The following MARK4 variants were observed in gnomAD, a reference collection of about 807,000 sequenced individuals.
The protein encoded by MARK4 is microtubule affinity regulating kinase 4, also known as MAP/microtubule affinity-regulating kinase 4.
MARK4 carries 19 observed loss-of-function variants against 81.5 expected under a neutral mutation model. That is an observed-to-expected ratio of 0.23 (90% CI 0.16 to 0.34). The LOEUF (loss-of-function observed/expected upper bound fraction) is 0.34. Among genes scored for constraint, MARK4 ranks in the 10% least tolerant of loss-of-function variants. MARK4 has a pLI of 1.00. For synonymous variants in MARK4, 436 were observed against 439.0 expected, an observed-to-expected ratio of 0.99 and a Z score of 0.08; for missense variants, 772 against 1,058.8, an observed-to-expected ratio of 0.73 and a Z score of 3.76.
At chr19:45,266,680 CCCCAGAGTCACTCTGCCCACAGGGT>C (rs1970458064) in intron 7 of MARK4, among the ~76,000 whole-genome samples, 1 of 151,914 alleles carries the variant, frequency 6.6e-6, no homozygotes, top group African/African-American at 2.4e-5. Flanking sequence ...GGTTGCAGAG[CCCCAGAGTCACTCTGCCCACAGGGT>C]CCCAGAGTCA....
intron 7 of MARK4, among the ~76,000 whole-genome samples, chr19:45,268,417 C>T (rs1211473212): frequency 6.6e-6 from 1 of 151,998 alleles, no homozygotes; most frequent in Non-Finnish European, 1.5e-5. Context: ...AACTCCATCT[C>T]TACTAAAAAT....
intron 2 of MARK4, among the ~76,000 whole-genome samples, chr19:45,262,560 AG>A: frequency 6.6e-6 from 1 of 152,198 alleles, no homozygotes; most frequent in Non-Finnish European, 1.5e-5. Context: ...GCCCTCACAA[AG>A]GGATCCCCTC....
chr19:45,271,744 C>T lies in MARK4; in HGVS notation c.786+36C>T. ...GGGCTGGGTGCAGGGGCATCAGCCC[C>T]TCCCCACAGTCAGGCCCCTATCCCC... On this transcript the variant is annotated intron_variant, in intron 8 of 16. Transcript: ENST00000262891. The surrounding 1 kb of genome is among the most constrained non-coding windows in gnomAD (Gnocchi z 4.1). 1 of 1,592,012 alleles carries T rather than the reference C, an allele frequency of 6.3e-7. No individual in the cohort carries two copies. Among genetic ancestry groups the T allele is most frequent in the Non-Finnish European group, 8.6e-7 (1 of 1,164,506 alleles).
At chr19:45,286,409 T>C (rs979926928) in intron 12 of MARK4, among the ~76,000 whole-genome samples, 4 of 148,656 alleles carry the variant, frequency 2.7e-5, no homozygotes, top group East Asian at 2.0e-4. Flanking sequence ...TAAACAAACA[T>C]GTAAAGAGAT....
At chr19:45,264,281 G>C (rs12985190) in intron 4 of MARK4, among the ~76,000 whole-genome samples, 38,199 of 151,738 alleles carry the variant, frequency 0.25, 5,039 homozygotes, top group Non-Finnish European at 0.28. Flanking sequence ...GCGGGTGGAT[G>C]ACCTGAGGTT....
intron 12 of MARK4, 24 bp downstream of exon 12, chr19:45,280,758 A>G: frequency 6.2e-7 from 1 of 1,611,898 alleles, no homozygotes; most frequent in Non-Finnish European, 8.5e-7. Flanking sequence ...CCACGCCCTC[A>G]CGCACCCTCC....
At position 45,294,334 on chromosome 19, in the gene MARK4, C is replaced by T. The variant is rs1245353737; in HGVS notation, c.1495-15C>T. 1 of 1,612,782 alleles carries T rather than the reference C, an allele frequency of 6.2e-7. No individual in the cohort carries two copies. The highest frequency in any genetic ancestry group is 2.2e-5 in the East Asian group (1 of 44,860). On this transcript the variant is annotated splice_polypyrimidine_tract_variant and intron_variant, in intron 13 of 16. Transcript: ENST00000262891. ...CTTCACCCCCTCACTCCCTTCCTGG[C>T]TGTGTCTCCTGCAGAACAACCTCCC...
intron 4 of MARK4, 77 bp downstream of exon 4, chr19:45,263,444 A>G: frequency 1.3e-6 from 2 of 1,591,590 alleles, no homozygotes; most frequent in Admixed American, 3.3e-5. Context: ...GGCAGTGGTT[A>G]GAATAGTTGG....
chr19:45,283,917 T>TAGGGA (rs1970709661), intron 12 of MARK4, among the ~76,000 whole-genome samples: 2 of 152,218 alleles, frequency 1.3e-5, no homozygotes, highest in African/African-American at 2.4e-5. Flanking sequence ...AAGTTCTTAC[T>TAGGGA]CTGGGACAGG....
At chr19:45,276,021 C>T (rs974937479) in intron 8 of MARK4, among the ~76,000 whole-genome samples, 2 of 151,958 alleles carry the variant, frequency 1.3e-5, no homozygotes, top group East Asian at 1.9e-4. Flanking sequence ...TGCCTCCCTT[C>T]GTTTTTTTTG....
At chr19:45,277,632 C>G (rs537616396) in intron 8 of MARK4, among the ~76,000 whole-genome samples, 37 of 151,972 alleles carry the variant, frequency 2.4e-4, no homozygotes, top group African/African-American at 8.2e-4. Context: ...CTCCTGGGCT[C>G]AAGCGATCCT....
intron 6 of MARK4, 60 bp from the exon 7 acceptor site, chr19:45,266,165 A>G: frequency 1.9e-6 from 3 of 1,568,240 alleles, no homozygotes; most frequent in African/African-American, 2.7e-5. Context: ...TTCACAGTCC[A>G]CTGAGGGAGG....
chr19:45,272,660 G>C (rs1970544891), intron 8 of MARK4, among the ~76,000 whole-genome samples: 1 of 152,150 alleles, frequency 6.6e-6, no homozygotes, highest in Non-Finnish European at 1.5e-5. Flanking sequence ...GGCCGAGGCA[G>C]GCAGATCACC....
At chr19:45,255,418 G>A (rs887954848) in intron 1 of MARK4, among the ~76,000 whole-genome samples, 3 of 151,874 alleles carry the variant, frequency 2.0e-5, no homozygotes, top group South Asian at 2.1e-4. Context: ...AAAATTAGAC[G>A]GTTGTGGTGG....
In MARK4 at chr19:45,294,330, C is replaced by G. The variant is rs571169933; in HGVS notation, c.1495-19C>G. 8 of 1,612,472 alleles carry G rather than the reference C, an allele frequency of 5.0e-6. No homozygotes were observed. The South Asian group carries it at 7.7e-5, about 16-fold the overall frequency. Reference sequence around the variant, plus strand: ...ATGTCTTCACCCCCTCACTCCCTTCCTGGCTGTGTCTCCTGCAGAACAACC... The same window carrying G: ...ATGTCTTCACCCCCTCACTCCCTTCGTGGCTGTGTCTCCTGCAGAACAACC... On this transcript the variant is annotated intron_variant, in intron 13 of 16. Transcript: ENST00000262891.
chr19:45,272,851 G>C (rs1267839522), intron 8 of MARK4, among the ~76,000 whole-genome samples: 1 of 152,130 alleles, frequency 6.6e-6, no homozygotes, highest in Non-Finnish European at 1.5e-5. Flanking sequence ...TTGTGCCACT[G>C]CACTCCAGCC....
chr19:45,287,010 A>G (rs2123088286), intron 12 of MARK4, among the ~76,000 whole-genome samples: 1 of 152,074 alleles, frequency 6.6e-6, no homozygotes, highest in East Asian at 1.9e-4. Flanking sequence ...TTATCTAGTC[A>G]TTCCTCTACT....
At position 45,283,533 on chromosome 19, in the gene MARK4, G is replaced by A. The variant is rs1038189344; in HGVS notation, c.1276+2799G>A. Among the ~76,000 whole-genome samples, 5 of 151,890 alleles carry A rather than the reference G, an allele frequency of 3.3e-5. No individual in the cohort carries two copies. The East Asian group carries it at 5.8e-4, about 18-fold the overall frequency. On this transcript the variant is annotated intron_variant, in intron 12 of 16. Transcript: ENST00000262891. ...ACATTTCAGGTAAATGGAATTACAC[G>A]ATGTGTGGCCTTCAGTGACTGGCTT...
intron 1 of MARK4, among the ~76,000 whole-genome samples, chr19:45,252,982 A>G (rs1970263410): frequency 6.7e-6 from 1 of 149,792 alleles, no homozygotes; most frequent in Admixed American, 6.6e-5. Flanking sequence ...ACTTTCCACC[A>G]TTCCCAGGCG....
Sources: allele counts gnomAD v4.1 joint callset (sites outside exome capture counted in the v4.1 genomes callset), GRCh38; gene constraint gnomAD v4.1.1; non-coding constraint Gnocchi (gnomAD v3.1); transcripts MANE v1.5; gene names NCBI Gene and HGNC (gene_info 2026-07-23, HGNC 2026-07-21).